CERT1: variants seen among roughly 807,000 people sequenced by gnomAD.
The protein encoded by CERT1 is ceramide transporter 1.
Under a neutral mutation model 87.9 loss-of-function variants are expected in CERT1, and 31 were observed. The ratio of observed to expected loss-of-function variants is 0.35; its 90% CI spans 0.27 to 0.48. The LOEUF is 0.48. CERT1 is among the 20% of genes least tolerant of loss of function. The probability of loss-of-function intolerance (pLI) is 0.99; values close to 1 mark genes in which losing one functional copy is unlikely to be tolerated. For synonymous variants in CERT1, 289 were observed against 250.9 expected (o/e 1.15, Z -1.44); for missense variants, 487 against 758.0 (o/e 0.64, Z 4.20).
At chr5:75,457,277 GGTAA>G (rs1267915926) in intron 3 of CERT1, among the ~76,000 whole-genome samples, 57 of 152,096 alleles carry the variant, frequency 3.7e-4, no homozygotes, top group Non-Finnish European at 5.9e-4. Context: ...CAGTCATTCT[GGTAA>G]GTAACTTTGC....
intron 2 of CERT1, among the ~76,000 whole-genome samples, chr5:75,484,895 T>C (rs960991472): frequency 1.3e-5 from 2 of 152,128 alleles, no homozygotes; most frequent in Non-Finnish European, 2.9e-5. Context: ...ACAGATCATG[T>C]TATACAACAG....
At chr5:75,404,313 AAC>A (rs1245422981) in intron 8 of CERT1, among the ~76,000 whole-genome samples, 3 of 151,502 alleles carry the variant, frequency 2.0e-5, no homozygotes, top group African/African-American at 4.9e-5. Flanking sequence ...AAAAAAAAAA[AAC>A]AACTTTCTAT....
intron 3 of CERT1, among the ~76,000 whole-genome samples, chr5:75,432,345 C>T (rs1046179610): frequency 1.3e-5 from 2 of 152,176 alleles, no homozygotes; most frequent in African/African-American, 2.4e-5. Context: ...TGAGCCACCA[C>T]GCCCGGCCAA....
At chr5:75,398,740 C>T (rs967097387) in intron 11 of CERT1, among the ~76,000 whole-genome samples, 4 of 152,164 alleles carry the variant, frequency 2.6e-5, no homozygotes, top group Non-Finnish European at 5.9e-5. Context: ...CTTACCAATG[C>T]TAAAAATTAA....
chr5:75,474,622 A>G (rs1765875640), intron 2 of CERT1, among the ~76,000 whole-genome samples: 2 of 151,878 alleles, frequency 1.3e-5, no homozygotes, highest in Non-Finnish European at 1.5e-5. Flanking sequence ...AGTCTATTAG[A>G]CTCCCTCTAC....
chr5:75,431,166 G>A (rs1763849145), intron 3 of CERT1, among the ~76,000 whole-genome samples: 3 of 152,112 alleles, frequency 2.0e-5, no homozygotes, highest in African/African-American at 7.2e-5. Context: ...CACCTAGGAC[G>A]TGAGCTTAGT....
chr5:75,504,023 C>T (rs866286066), intron 2 of CERT1, among the ~76,000 whole-genome samples: 4 of 140,318 alleles, frequency 2.9e-5, no homozygotes, highest in African/African-American at 7.9e-5. Context: ...TCTAGGAATA[C>T]TACTACTTAG....
chr5:75,492,712 G>C (rs183263164), intron 2 of CERT1, among the ~76,000 whole-genome samples: 2 of 148,588 alleles, frequency 1.3e-5, no homozygotes, highest in East Asian at 3.9e-4. Context: ...GCACAATACA[G>C]TATTTTTTAT....
At chr5:75,401,132 T>A (rs886887210) in intron 9 of CERT1, 1 of 152,182 alleles carries the variant, frequency 6.6e-6, no homozygotes, top group African/African-American at 2.4e-5. Flanking sequence ...CCACACTGTA[T>A]CTCTGTCATA....
chr5:75,417,793 A>G (rs1357211207), intron 6 of CERT1, among the ~76,000 whole-genome samples: 1 of 152,242 alleles, frequency 6.6e-6, no homozygotes, highest in East Asian at 1.9e-4. Flanking sequence ...AACTGGGAGA[A>G]AATCTTGTGT....
At chr5:75,428,487 G>C (rs2112196495) in intron 3 of CERT1, among the ~76,000 whole-genome samples, 1 of 152,248 alleles carries the variant, frequency 6.6e-6, no homozygotes, top group East Asian at 1.9e-4. Context: ...GACCATCCTG[G>C]CTAACACGGT....
intron 17 of CERT1, chr5:75,372,461 C>T (rs1049533010): frequency 4.6e-5 from 7 of 152,096 alleles, no homozygotes; most frequent in African/African-American, 1.4e-4. Flanking sequence ...GATAATTTGT[C>T]TTATTTGCCT....
At chr5:75,374,769 C>T (rs551145289), downstream of CERT1, 1,749 of 549,650 alleles carry the variant, frequency 3.2e-3, 6 homozygotes, top group Non-Finnish European at 4.0e-3. Context: ...CAATTTAGAC[C>T]TGCGGGTGCT....
At chr5:75,455,391 T>C (rs771574661) in intron 3 of CERT1, among the ~76,000 whole-genome samples, 6 of 152,214 alleles carry the variant, frequency 3.9e-5, no homozygotes, top group Non-Finnish European at 5.9e-5. Context: ...CAGATTTTTA[T>C]GCTACAGGAA....
intron 2 of CERT1, among the ~76,000 whole-genome samples, chr5:75,467,822 C>A (rs546066051): frequency 1.1e-4 from 17 of 151,882 alleles, no homozygotes; most frequent in Admixed American, 5.9e-4. Context: ...TGAGTTGTAC[C>A]AATGTTAATT....
At chr5:75,494,642 G>C (rs1490489101) in intron 2 of CERT1, among the ~76,000 whole-genome samples, 1 of 152,090 alleles carries the variant, frequency 6.6e-6, no homozygotes, top group East Asian at 1.9e-4. Flanking sequence ...CATTCCAGGA[G>C]GTATCCAGAA....
intron 12 of CERT1, among the ~76,000 whole-genome samples, chr5:75,387,298 A>G (rs1161349708): frequency 1.3e-5 from 2 of 151,822 alleles, no homozygotes; most frequent in African/African-American, 4.8e-5. Context: ...AGCTCACATT[A>G]TTATTTTTTG....
chr5:75,459,718 A>C (rs1337688562), intron 2 of CERT1, among the ~76,000 whole-genome samples: 5 of 152,048 alleles, frequency 3.3e-5, no homozygotes, highest in Admixed American at 6.6e-5. Context: ...TAATCCCAGC[A>C]CTTTGGAAGG....
intron 12 of CERT1, 114 bp from the exon 13 acceptor site, chr5:75,386,148 A>G (rs1761776594): frequency 2.5e-6 from 2 of 785,550 alleles, no homozygotes; most frequent in Non-Finnish European, 3.6e-6. Context: ...GTCTATTTAT[A>G]GAACATATTC....
Sources: allele counts gnomAD v4.1 joint callset (sites outside exome capture counted in the v4.1 genomes callset), GRCh38; gene constraint gnomAD v4.1.1; transcripts MANE v1.5; gene names NCBI Gene and HGNC (gene_info 2026-07-23, HGNC 2026-07-21).